The following GSTCD variants were observed in gnomAD, a reference collection of about 807,000 sequenced individuals.
The protein encoded by GSTCD is glutathione S-transferase C-terminal domain containing.
In GSTCD, 44 loss-of-function variants were observed where a neutral mutation model predicts 68.3. The observed-to-expected ratio is 0.64, with a 90% CI of 0.51 to 0.83. The LOEUF (loss-of-function observed/expected upper bound fraction) is 0.83, where lower values mean the gene tolerates loss of function less well. Among genes scored for constraint, GSTCD ranks in the 40% least tolerant of loss-of-function variants. The pLI is 0.00. For synonymous variants in GSTCD, 273 were observed against 255.2 expected, an observed-to-expected ratio of 1.07 and a Z score of -0.67; for missense variants, 739 against 735.9, an observed-to-expected ratio of 1.00 and a Z score of -0.05.
Position 105,726,772 on chromosome 4 carries a change from A to G in GSTCD, c.1088A>G (p.Glu363Gly), listed in dbSNP as rs200295723. The change falls in exon 4 of 12, where the codon GAA (glutamate) becomes GGA (glycine). Residue 363 changes from glutamate to glycine, a missense_variant. Coordinates refer to ENST00000515279, the MANE Select transcript of GSTCD (RefSeq NM_001370181.1). ...AACTTATGTGAAGTCCCAGGTGTAG[A>G]AGAGCAAAGCGATCCTTTATTTATA... ...HPNLCEVPGV[E>G]EQSDPLFIGG... 5.9e-5 allele frequency: 96 copies of G among 1,613,846 alleles called. No homozygotes were observed. Among genetic ancestry groups the G allele is most frequent in the Middle Eastern group, 1.6e-4 (1 of 6,062 alleles).
intron 9 of GSTCD, among the ~76,000 whole-genome samples, chr4:105,836,089 C>T (rs536718056): frequency 6.6e-5 from 10 of 151,958 alleles, no homozygotes; most frequent in Admixed American, 2.0e-4. Context: ...AGCTTCTTTC[C>T]GCAGGCAGGT....
intron 5 of GSTCD, among the ~76,000 whole-genome samples, chr4:105,749,800 G>A (rs1733944682): frequency 6.6e-6 from 1 of 152,102 alleles, no homozygotes; most frequent in Non-Finnish European, 1.5e-5. Context: ...GATCCATTTT[G>A]TAAAAATTGG....
intron 5 of GSTCD, among the ~76,000 whole-genome samples, chr4:105,741,443 T>C (rs1028194680): frequency 6.6e-6 from 1 of 152,230 alleles, no homozygotes; most frequent in Non-Finnish European, 1.5e-5. Context: ...ACTTAAGTTG[T>C]AATATAGATT....
intron 5 of GSTCD, among the ~76,000 whole-genome samples, chr4:105,786,005 T>C (rs1049670060): frequency 2.0e-5 from 3 of 152,208 alleles, no homozygotes; most frequent in Non-Finnish European, 4.4e-5. Context: ...AACCCTATCA[T>C]AAAGATTACA....
At chr4:105,748,806 G>A (rs1733902269) in intron 5 of GSTCD, among the ~76,000 whole-genome samples, 1 of 83,068 alleles carries the variant, frequency 1.2e-5, no homozygotes, top group Admixed American at 1.2e-4. Flanking sequence ...TTTTCTGGGA[G>A]AAAGTTAGAG....
intron 5 of GSTCD, among the ~76,000 whole-genome samples, chr4:105,734,280 G>C (rs2149215844): frequency 6.6e-6 from 1 of 152,284 alleles, no homozygotes; most frequent in East Asian, 1.9e-4. Context: ...CCTGCAGCGT[G>C]TTTTCCAACT....
intron 5 of GSTCD, among the ~76,000 whole-genome samples, chr4:105,731,804 A>G (rs1733252142): frequency 6.6e-6 from 1 of 152,168 alleles, no homozygotes; most frequent in Non-Finnish European, 1.5e-5. Context: ...GTTTTTGCCC[A>G]TTCAGTATGA....
At chr4:105,766,474 CCAGGGAGAGG>C (rs1734611799) in intron 5 of GSTCD, among the ~76,000 whole-genome samples, 1 of 152,174 alleles carries the variant, frequency 6.6e-6, no homozygotes. Context: ...TAGAATAGAA[CCAGGGAGAGG>C]CAGGGATTGG....
intron 5 of GSTCD, among the ~76,000 whole-genome samples, chr4:105,743,218 G>A (rs1168491276): frequency 1.3e-5 from 2 of 151,914 alleles, no homozygotes; most frequent in East Asian, 1.9e-4. Context: ...CCAAAGTACT[G>A]GGATTACAGG....
At chr4:105,772,614 TC>T (rs756684126) in intron 5 of GSTCD, among the ~76,000 whole-genome samples, 2 of 152,190 alleles carry the variant, frequency 1.3e-5, no homozygotes, top group Non-Finnish European at 2.9e-5. Context: ...ATTGAGATAA[TC>T]ATGTGGTTTT....
At chr4:105,736,304 G>T (rs1289546410) in intron 5 of GSTCD, among the ~76,000 whole-genome samples, 3 of 152,044 alleles carry the variant, frequency 2.0e-5, no homozygotes, top group Admixed American at 6.6e-5. Flanking sequence ...TTCATTTGGG[G>T]TTACCTCAAT....
At chr4:105,710,232 A>ATTTTTTTTTTTTTTT (rs761574598) in intron 1 of GSTCD, among the ~76,000 whole-genome samples, 2 of 85,686 alleles carry the variant, frequency 2.3e-5, no homozygotes, top group Non-Finnish European at 4.0e-5. Flanking sequence ...GGGCCCATCA[A>ATTTTTTTTTTTTTTT]TTTTTTTTTT....
At chr4:105,821,863 T>G (rs1219022203) in intron 5 of GSTCD, among the ~76,000 whole-genome samples, 1 of 151,888 alleles carries the variant, frequency 6.6e-6, no homozygotes, top group East Asian at 1.9e-4. Context: ...TATAAATTTT[T>G]TTATATAGTT....
At chr4:105,723,415 A>G (rs1026813802) in intron 3 of GSTCD, among the ~76,000 whole-genome samples, 3 of 151,942 alleles carry the variant, frequency 2.0e-5, no homozygotes, top group Non-Finnish European at 4.4e-5. Context: ...TGTACTGAAC[A>G]TGTACTGACT....
chr4:105,761,729 G>A (rs1734418711), intron 5 of GSTCD: 1 of 152,036 alleles, frequency 6.6e-6, no homozygotes, highest in South Asian at 2.1e-4. Context: ...TAGTAATATA[G>A]GGATATACTA....
At chr4:105,736,371 A>G (rs1425841729) in intron 5 of GSTCD, among the ~76,000 whole-genome samples, 1 of 151,986 alleles carries the variant, frequency 6.6e-6, no homozygotes. Context: ...AAGGGATTAT[A>G]TTTGCTTATA....
intron 3 of GSTCD, among the ~76,000 whole-genome samples, chr4:105,724,236 CAAAG>C (rs1040517474): frequency 5.9e-5 from 9 of 151,604 alleles, no homozygotes; most frequent in African/African-American, 1.7e-4. Flanking sequence ...TGTTGCCTCT[CAAAG>C]AAGCAAGAAC....
chr4:105,750,193 G>C (rs1362189293), intron 5 of GSTCD, among the ~76,000 whole-genome samples: 2 of 152,198 alleles, frequency 1.3e-5, no homozygotes, highest in African/African-American at 4.8e-5. Context: ...GCCGGGCGTG[G>C]TGGCTCACGC....
At chr4:105,760,881 G>T (rs1438939352) in intron 5 of GSTCD, 1 of 233,998 alleles carries the variant, frequency 4.3e-6, no homozygotes, top group African/African-American at 2.4e-5. Flanking sequence ...CAGTGTTTAA[G>T]TGGGAGGTGT....
Sources: gnomAD v4.1 joint callset for allele counts (sites outside exome capture counted in the v4.1 genomes callset) on GRCh38, gnomAD v4.1.1 for gene constraint, MANE v1.5 for transcripts, NCBI Gene and HGNC (gene_info 2026-07-23, HGNC 2026-07-21) for gene names.